The following FANK1 variants were observed in gnomAD, a reference collection of about 807,000 sequenced individuals.
FANK1 encodes the protein fibronectin type 3 and ankyrin repeat domains protein 1.
A neutral mutation model predicts 45.3 loss-of-function variants in FANK1; 44 were observed. The ratio of observed to expected loss-of-function variants is 0.97; its 90% CI spans 0.76 to 1.25. FANK1 has a LOEUF of 1.25. Ranked by LOEUF, FANK1 falls within the 50% of genes most tolerant of loss-of-function variation. The pLI, the probability that FANK1 is intolerant of heterozygous loss-of-function variation, is 0.00. For synonymous variants in FANK1, 149 were observed against 152.5 expected, an observed-to-expected ratio of 0.98 and a Z score of 0.17; for missense variants, 391 against 424.4, an observed-to-expected ratio of 0.92 and a Z score of 0.69.
intron 2 of FANK1, 26 bp downstream of exon 2, chr10:125,980,364 C>T: frequency 6.3e-7 from 1 of 1,593,354 alleles, no homozygotes; most frequent in Non-Finnish European, 8.5e-7. Context: ...AATTGCTTGC[C>T]ACTTTGCCTT....
chr10:125,900,674 C>T (rs549074940), intron 1 of FANK1, among the ~76,000 whole-genome samples: 6 of 151,926 alleles, frequency 3.9e-5, no homozygotes, highest in Admixed American at 6.6e-5. Flanking sequence ...TTTTTTGAGA[C>T]GGAGTCTCAC....
chr10:126,009,363 G>A lies in FANK1; in HGVS notation c.973-10G>A. ...TGGATTACATTCGCCTGTCTGTTTT[G>A]TTTATCTAGAGTGTAGTCTCCTTAT... On this transcript the variant is annotated splice_polypyrimidine_tract_variant and intron_variant, in intron 10 of 10. Coordinates refer to ENST00000368693, the MANE Select transcript of FANK1 (RefSeq NM_145235.5). 1 of 1,613,988 alleles carries A rather than the reference G, an allele frequency of 6.2e-7. No homozygotes were observed. The highest frequency in any genetic ancestry group is 8.5e-7 in the Non-Finnish European group (1 of 1,180,012).
rs570059123 is a variant in FANK1 at position 125,935,927 on chromosome 10, G to A, written c.13+39272G>A. Among the ~76,000 whole-genome samples the A allele has an allele frequency of 4.6e-5, 7 of 152,206 alleles. 1 individual carries two copies. In the South Asian group the frequency reaches 1.5e-3, roughly 32 times the overall value. ...TATTATATGAAGACTACATTTTTAA[G>A]CTAATAAGGGCCACCAGTGAGGGAA... On this transcript the variant is annotated intron_variant, in intron 1 of 10. Coordinates refer to ENST00000368693, the MANE Select transcript of FANK1 (RefSeq NM_145235.5).
intron 2 of FANK1, among the ~76,000 whole-genome samples, chr10:125,982,009 A>C (rs1173339803): frequency 3.9e-5 from 6 of 152,224 alleles, no homozygotes; most frequent in Non-Finnish European, 7.3e-5. Context: ...CCTTAAGAAA[A>C]ATCTGAAATG....
At chr10:125,969,507 A>G (rs10901489) in intron 1 of FANK1, among the ~76,000 whole-genome samples, 105,951 of 152,166 alleles carry the variant, frequency 0.7, 38,122 homozygotes, top group South Asian at 0.8. Context: ...TGAATAGAGC[A>G]TCTATAAAAA....
Position 125,996,545 on chromosome 10 carries a change from C to A in FANK1, c.399-5C>A. The A allele has an allele frequency of 6.2e-7, 1 of 1,613,944 alleles. No individual in the cohort carries two copies. The highest frequency in any genetic ancestry group is 8.5e-7 in the Non-Finnish European group (1 of 1,179,954). The stretch of plus-strand genomic sequence containing the variant: ...TGTTTATCTCTTTTCTCTGCTTTTC[C>A]CAAGCCGTGTTAAGGTTGATGTTCC... On this transcript the variant is annotated splice_polypyrimidine_tract_variant and splice_region_variant and intron_variant, in intron 4 of 10. Transcript: ENST00000368693.
intron 1 of FANK1, among the ~76,000 whole-genome samples, chr10:125,915,093 C>T (rs1179656668): frequency 2.0e-5 from 3 of 152,190 alleles, no homozygotes; most frequent in African/African-American, 7.2e-5. Context: ...TACAACTCCA[C>T]ACTCCTGAGT....
intron 6 of FANK1, 156 bp from the exon 7 acceptor site, chr10:126,004,728 A>G (rs1475682154): frequency 1.5e-6 from 1 of 659,424 alleles, no homozygotes; most frequent in African/African-American, 1.8e-5. Flanking sequence ...CATTTTGTAC[A>G]TCAGTTGATG....
At chr10:126,002,087 C>T (rs1021485429) in intron 6 of FANK1, among the ~76,000 whole-genome samples, 1 of 151,306 alleles carries the variant, frequency 6.6e-6, no homozygotes, top group African/African-American at 2.4e-5. Context: ...CTGAGGCAGG[C>T]GGATCACGAG....
intron 2 of FANK1, among the ~76,000 whole-genome samples, chr10:125,981,884 T>G (rs1345100667): frequency 6.6e-6 from 1 of 152,228 alleles, no homozygotes; most frequent in East Asian, 1.9e-4. Context: ...TAGATATGTT[T>G]ATGTGTATGT....
chr10:125,969,618 CTTTT>C (rs202121488), intron 1 of FANK1, among the ~76,000 whole-genome samples: 2 of 150,782 alleles, frequency 1.3e-5, no homozygotes, highest in Non-Finnish European at 3.0e-5. Context: ...TTGAATTTTT[CTTTT>C]TTTTTAAATT....
At chr10:125,971,826 G>A (rs915071341) in intron 1 of FANK1, among the ~76,000 whole-genome samples, 3 of 152,098 alleles carry the variant, frequency 2.0e-5, no homozygotes, top group African/African-American at 4.8e-5. Context: ...GTTTCACCAT[G>A]TTAGCCAGGA....
chr10:125,926,229 C>G (rs1025653981), intron 1 of FANK1, among the ~76,000 whole-genome samples: 1 of 152,024 alleles, frequency 6.6e-6, no homozygotes, highest in Non-Finnish European at 1.5e-5. Flanking sequence ...AATAGAAATC[C>G]CATATAGTCT....
chr10:125,922,947 CTTCTT>C (rs1947048335), intron 1 of FANK1, among the ~76,000 whole-genome samples: 1 of 151,844 alleles, frequency 6.6e-6, no homozygotes, highest in Admixed American at 6.5e-5. Context: ...ACTGGGGAGT[CTTCTT>C]TTTTTATTCT....
intron 8 of FANK1, 100 bp from the exon 9 acceptor site, chr10:126,008,954 G>A (rs1166238004): frequency 1.2e-5 from 13 of 1,116,732 alleles, no homozygotes; most frequent in Non-Finnish European, 1.7e-5. Flanking sequence ...GGGGTTGCAG[G>A]GGGGCTGCTG....
intron 1 of FANK1, among the ~76,000 whole-genome samples, chr10:125,948,055 T>C (rs1332239670): frequency 6.7e-6 from 1 of 149,746 alleles, no homozygotes; most frequent in Non-Finnish European, 1.5e-5. Flanking sequence ...AAAGATGTTC[T>C]TTGAAACCAA....
intron 6 of FANK1, among the ~76,000 whole-genome samples, chr10:125,999,752 TTA>T (rs1453103360): frequency 6.6e-6 from 1 of 152,174 alleles, no homozygotes; most frequent in African/African-American, 2.4e-5. Flanking sequence ...ACAGAAGTAC[TTA>T]TAGCTTGTAG....
rs1023343955 is a variant in FANK1 at position 126,008,465 on chromosome 10, C to T, written c.764C>T (p.Ser255Leu). ...WTPLMRVSAV[S>L]GNQRVASLLI... Reference sequence around the variant, plus strand: ...CCACTCATGAGAGTCTCTGCGGTGTCGGGAAATCAGAGGGTGGCCTCTCTT... The same window carrying T: ...CCACTCATGAGAGTCTCTGCGGTGTTGGGAAATCAGAGGGTGGCCTCTCTT... Residue 255 changes from serine (S) to leucine (L), a missense_variant, in exon 8 of 11, where the codon TCG becomes TTG. Ser to Leu is a moderately radical substitution (Grantham distance 145, BLOSUM62 -2). Coordinates refer to ENST00000368693, the MANE Select transcript of FANK1 (RefSeq NM_145235.5). 7.4e-6 allele frequency: 12 copies of T among 1,613,354 alleles called. No homozygotes were observed. Among genetic ancestry groups the T allele is most frequent in the African/African-American group, 2.7e-5 (2 of 74,844 alleles).
intron 1 of FANK1, among the ~76,000 whole-genome samples, chr10:125,967,953 T>C (rs375378892): frequency 1.1e-3 from 164 of 152,230 alleles, no homozygotes; most frequent in Non-Finnish European, 1.8e-3. Flanking sequence ...TTGTGTAATA[T>C]ACAGTGTAAT....
Sources: gnomAD v4.1 joint callset for allele counts (sites outside exome capture counted in the v4.1 genomes callset) on GRCh38, gnomAD v4.1.1 for gene constraint, MANE v1.5 for transcripts, NCBI Gene and HGNC (gene_info 2026-07-23, HGNC 2026-07-21) for gene names.